Variants in SLC16A6 observed in about 807,000 individuals in gnomAD.
SLC16A6 encodes the protein solute carrier family 16 member 6, also known as monocarboxylate transporter 7.
In SLC16A6, 15 loss-of-function variants were observed where a neutral mutation model predicts 33.8. That is an observed-to-expected ratio of 0.44 (90% confidence interval 0.30 to 0.68). SLC16A6 has a LOEUF of 0.68. Ranked by LOEUF, SLC16A6 falls within the 30% of genes least tolerant of loss-of-function variation. SLC16A6 has a pLI of 0.10. For missense variants in SLC16A6, 451 were observed against 661.5 expected (o/e 0.68, Z 3.49); for synonymous variants, 219 against 248.4 (o/e 0.88, Z 1.11).
At chr17:68,289,791 C>T (rs916806355) in intron 1 of SLC16A6, among the ~76,000 whole-genome samples, 1 of 152,156 alleles carries the variant, frequency 6.6e-6, no homozygotes, top group African/African-American at 2.4e-5. Context: ...TGAGGAAAGT[C>T]CTTTTTCGGA....
rs555979078 is a variant in SLC16A6 at position 68,268,770 on chromosome 17, A to G, written c.*326T>C. On this transcript the variant is annotated 3_prime_UTR_variant, in exon 6 of 6. Transcript: ENST00000580666. Reference sequence around the variant, plus strand: ...GCTTTTAAAACCACTTTGCCAGTTCATGTCACTATTTTAATATCGGAATGT... The same window carrying G: ...GCTTTTAAAACCACTTTGCCAGTTCGTGTCACTATTTTAATATCGGAATGT... 9.2e-4 allele frequency: 252 copies of G among 275,198 alleles called. No homozygotes were observed. Among genetic ancestry groups the G allele is most frequent in the African/African-American group, 5.1e-3 (234 of 45,532 alleles). 17.0% of individuals were successfully genotyped at this position (275,198 alleles called of 1,614,324 possible). A position where few individuals can be genotyped will look rare whatever the true frequency, so the allele number is the denominator to read the frequency against.
At chr17:68,269,672 G>C (rs77461512) in intron 5 of SLC16A6, among the ~76,000 whole-genome samples, 1 of 54,010 alleles carries the variant, frequency 1.9e-5, no homozygotes, top group African/African-American at 1.5e-4. Flanking sequence ...GTTCACTTTA[G>C]GTTTTTTTTT....
intron 2 of SLC16A6, 49 bp downstream of exon 2, chr17:68,278,040 T>A (rs1555751542): frequency 7.5e-7 from 1 of 1,325,976 alleles, no homozygotes; most frequent in Non-Finnish European, 1.1e-6. Flanking sequence ...GTAGCCAAAT[T>A]AAAAGGGCCC....
intron 3 of SLC16A6, among the ~76,000 whole-genome samples, chr17:68,273,303 G>A (rs1220038918): frequency 6.6e-6 from 1 of 151,818 alleles, no homozygotes; most frequent in African/African-American, 2.4e-5. Flanking sequence ...TGACCTCCCA[G>A]GCTCAAGTGA....
At chr17:68,283,892 A>G (rs1372503934) in intron 1 of SLC16A6, among the ~76,000 whole-genome samples, 8 of 150,634 alleles carry the variant, frequency 5.3e-5, no homozygotes, top group Non-Finnish European at 1.0e-4. Context: ...AAAAAAAAAA[A>G]AAAAAGACCA....
At position 68,271,321 on chromosome 17, in the gene SLC16A6, T is replaced by A; in HGVS notation, c.839A>T (p.Lys280Ile). ...VKTSPRPSEK[K>I]APLLDFSILK... ...AATGGAGAAGTCTAATAGCGGGGCTTTCTTTTCGCTTGGCCTGGGGCTGGT... is the reference window on the plus strand; with the variant it reads ...AATGGAGAAGTCTAATAGCGGGGCTATCTTTTCGCTTGGCCTGGGGCTGGT... Residue 280 changes from lysine to isoleucine, a missense_variant, in exon 5 of 6, where the codon AAA becomes ATA. Physicochemically the swap from Lys to Ile is moderately radical, Grantham distance 102 (BLOSUM62 -3). Coordinates refer to ENST00000580666, the MANE Select transcript of SLC16A6 (RefSeq NM_004694.5). The surrounding 1 kb of genome is among the most constrained non-coding windows in gnomAD (Gnocchi z 5.3). The A allele has an allele frequency of 6.2e-7, 1 of 1,614,214 alleles. No homozygotes were observed. The highest frequency in any genetic ancestry group is 8.5e-7 in the Non-Finnish European group (1 of 1,180,042).
At chr17:68,281,427 C>T (rs1189719581) in intron 1 of SLC16A6, among the ~76,000 whole-genome samples, 3 of 151,734 alleles carry the variant, frequency 2.0e-5, no homozygotes, top group Admixed American at 6.6e-5. Context: ...ATTAGCTGGG[C>T]GTGGTGGCAT....
In SLC16A6 at chr17:68,268,683, A is replaced by G. The variant is rs1158162987; in HGVS notation, c.*413T>C. 1 of 167,108 alleles carries G rather than the reference A, an allele frequency of 6.0e-6. No individual in the cohort carries two copies. Among genetic ancestry groups the G allele is most frequent in the African/African-American group, 2.4e-5 (1 of 41,580 alleles). The allele number at this position is 167,108 out of a possible 1,614,324, so 10.4% of individuals were successfully genotyped here. A position where few individuals can be genotyped will look rare whatever the true frequency, so the allele number is the denominator to read the frequency against. ...GTTGTTTTATTCAGGAGAGTAGTTT[A>G]TTCAGACAAGACCATAGGAAGAAAG... On this transcript the variant is annotated 3_prime_UTR_variant, in exon 6 of 6. Transcript: ENST00000580666.
Position 68,271,683 on chromosome 17 carries a change from A to C in SLC16A6, c.506-29T>G, listed in dbSNP as rs1177346031. 1 of 1,578,996 alleles carries C rather than the reference A, an allele frequency of 6.3e-7. No individual in the cohort carries two copies. The highest frequency in any genetic ancestry group is 1.4e-5 in the African/African-American group (1 of 73,996). ...GAATAGGCAGGAGTGAAGAAGAAATAATATAAGGTCAATAATGGACTCAAG... is the reference window on the plus strand; with the variant it reads ...GAATAGGCAGGAGTGAAGAAGAAATCATATAAGGTCAATAATGGACTCAAG... On this transcript the variant is annotated intron_variant, in intron 4 of 5. Transcript: ENST00000580666. This position sits in a 1 kb window ranked among gnomAD's most constrained non-coding sequence, Gnocchi z 5.3.
chr17:68,275,734 C>A (rs1555750654), intron 2 of SLC16A6, among the ~76,000 whole-genome samples: 2 of 152,060 alleles, frequency 1.3e-5, no homozygotes, highest in Non-Finnish European at 2.9e-5. Flanking sequence ...GTAAATCCAG[C>A]ACTTTGGGAG....
intron 1 of SLC16A6, among the ~76,000 whole-genome samples, chr17:68,283,414 C>T (rs551354191): frequency 1.3e-5 from 2 of 150,778 alleles, no homozygotes; most frequent in African/African-American, 2.4e-5. Flanking sequence ...CCAGCTACTC[C>T]GGAGGCTGAG....
chr17:68,268,890 T>C lies in SLC16A6; in HGVS notation c.*206A>G. ...TGCTTGGTTGTTTTTTGTTTTGGCT[T>C]TAAAAACAAGCAAAAAAAAAAAGCT... On this transcript the variant is annotated 3_prime_UTR_variant, in exon 6 of 6. Transcript: ENST00000580666. The C allele has an allele frequency of 8.5e-7, 1 of 1,181,544 alleles. No homozygotes were observed. Among genetic ancestry groups the C allele is most frequent in the Non-Finnish European group, 1.2e-6 (1 of 867,312 alleles). 73.2% of individuals were successfully genotyped at this position (1,181,544 alleles called of 1,614,324 possible).
chr17:68,290,860 C>G (rs2075961958), intron 1 of SLC16A6, among the ~76,000 whole-genome samples: 1 of 152,174 alleles, frequency 6.6e-6, no homozygotes, highest in Admixed American at 6.5e-5. Flanking sequence ...CACGGACATT[C>G]AACTCTCAGC....
chr17:68,270,188 C>T (rs1177052114), intron 5 of SLC16A6, among the ~76,000 whole-genome samples: 1 of 152,016 alleles, frequency 6.6e-6, no homozygotes, highest in African/African-American at 2.4e-5. Context: ...TCTATCATTC[C>T]AAAAGTCAGG....
chr17:68,278,013 C>A (rs952546800), intron 2 of SLC16A6, 76 bp downstream of exon 2: 2 of 929,310 alleles, frequency 2.2e-6, no homozygotes, highest in African/African-American at 1.7e-5. Flanking sequence ...ACAAACACAT[C>A]GACTACCATT....
At chr17:68,285,201 C>A (rs1555754006) in intron 1 of SLC16A6, among the ~76,000 whole-genome samples, 1 of 152,182 alleles carries the variant, frequency 6.6e-6, no homozygotes, top group Non-Finnish European at 1.5e-5. Context: ...GCTACTAAGA[C>A]CAAGGTCAAA....
intron 1 of SLC16A6, among the ~76,000 whole-genome samples, chr17:68,288,988 A>G (rs2075904879): frequency 6.6e-6 from 1 of 152,194 alleles, no homozygotes; most frequent in Admixed American, 6.5e-5. Context: ...AGGAAGTACA[A>G]TGACACAATC....
At chr17:68,273,884 A>T in intron 3 of SLC16A6, 43 bp downstream of exon 3, 1 of 1,596,704 alleles carries the variant, frequency 6.3e-7, no homozygotes, top group Non-Finnish European at 8.6e-7. Context: ...TGTTCTTCAA[A>T]CTAAGTGTCT....
upstream of SLC16A6, chr17:68,291,342 G>A (rs1285996129): frequency 6.7e-6 from 1 of 149,082 alleles, no homozygotes; most frequent in Non-Finnish European, 1.5e-5. Context: ...GGCCGTGCGT[G>A]CTGCCGCCCG....
Sources: gnomAD v4.1 joint callset for allele counts (sites outside exome capture counted in the v4.1 genomes callset) on GRCh38, gnomAD v4.1.1 for gene constraint, Gnocchi (gnomAD v3.1) non-coding constraint, MANE v1.5 for transcripts, NCBI Gene and HGNC (gene_info 2026-07-23, HGNC 2026-07-21) for gene names.